LMF1: variants seen among roughly 807,000 people sequenced by gnomAD.
The protein encoded by LMF1 is transmembrane protein 112.
In LMF1, 68 loss-of-function variants were observed where a neutral mutation model predicts 60.6. The observed-to-expected ratio is 1.12, with a 90% CI of 0.92 to 1.37. The LOEUF is 1.37. Ranked by LOEUF, LMF1 falls within the 40% of genes most tolerant of loss-of-function variation. LMF1 has a pLI of 0.00. For synonymous variants in LMF1, 418 were observed against 324.7 expected (o/e 1.29, Z -3.09); for missense variants, 948 against 767.2 (o/e 1.24, Z -2.78).
At chr16:945,279 T>C (rs2072210977) in intron 2 of LMF1, among the ~76,000 whole-genome samples, 1 of 151,136 alleles carries the variant, frequency 6.6e-6, no homozygotes, top group African/African-American at 2.4e-5. Flanking sequence ...CCTAGCACTT[T>C]GGGAGGCTGA....
chr16:881,857 C>G (rs1454051247), intron 5 of LMF1, among the ~76,000 whole-genome samples: 1 of 152,182 alleles, frequency 6.6e-6, no homozygotes, highest in African/African-American at 2.4e-5. Flanking sequence ...GGGACTTTAA[C>G]CTCTCCTTCC....
chr16:919,601 T>TCCCACCCACAGACCCG (rs2071378189), intron 3 of LMF1, among the ~76,000 whole-genome samples: 1 of 152,116 alleles, frequency 6.6e-6, no homozygotes, highest in African/African-American at 2.4e-5. Context: ...AGGGAGGGCG[T>TCCCACCCACAGACCCG]CTGGACCGCA....
intron 2 of LMF1, among the ~76,000 whole-genome samples, chr16:950,348 A>AGCCAACGACAGAGTCAG (rs2072412565): frequency 8.1e-6 from 1 of 123,652 alleles, no homozygotes; most frequent in Non-Finnish European, 1.6e-5. Flanking sequence ...AACAACAGTC[A>AGCCAACGACAGAGTCAG]GCCAACGACA....
intron 3 of LMF1, among the ~76,000 whole-genome samples, chr16:925,492 G>A (rs2071567575): frequency 6.6e-6 from 1 of 152,178 alleles, no homozygotes; most frequent in South Asian, 2.1e-4. Context: ...CACTTTGGGA[G>A]GTCAAGAGAG....
intron 10 of LMF1, among the ~76,000 whole-genome samples, chr16:859,006 C>G (rs368605539): frequency 0.014 from 163 of 11,880 alleles, 1 homozygote; most frequent in African/African-American, 0.041. Context: ...TCACGGGACG[C>G]GTGTGCAGTG....
intron 2 of LMF1, among the ~76,000 whole-genome samples, chr16:953,443 C>T (rs1270834863): frequency 1.1e-3 from 67 of 58,646 alleles, no homozygotes; most frequent in African/African-American, 3.6e-3. Context: ...AGACACGGAC[C>T]CCACACCAGC....
intron 10 of LMF1, among the ~76,000 whole-genome samples, chr16:857,762 T>A (rs865901501): frequency 1.7e-4 from 7 of 41,772 alleles, no homozygotes; most frequent in Non-Finnish European, 2.8e-4. Context: ...CAGTGGTGTC[T>A]CGGGACGGGT....
intron 7 of LMF1, 82 bp from the exon 8 acceptor site, chr16:870,964 C>T (rs1463172009): frequency 2.0e-6 from 3 of 1,493,846 alleles, no homozygotes; most frequent in Middle Eastern, 2.1e-4. Context: ...CTGCTGCTCC[C>T]TAAGGGTCAG....
upstream of LMF1, among the ~76,000 whole-genome samples, chr16:971,386 C>T (rs1331164934): frequency 6.6e-6 from 1 of 152,232 alleles, no homozygotes; most frequent in Non-Finnish European, 1.5e-5. Context: ...CAGGCCCTGG[C>T]GGTGCTACCA....
intron 4 of LMF1, among the ~76,000 whole-genome samples, chr16:894,770 G>A (rs570699568): frequency 2.0e-5 from 3 of 152,228 alleles, no homozygotes; most frequent in Non-Finnish European, 4.4e-5. Context: ...GGACACTTTC[G>A]TAATGGCCGC....
In LMF1 at chr16:871,200, G is replaced by C. The variant is rs2069779467; in HGVS notation, c.1039C>G (p.Gln347Glu). ...GGCCGGGCCCCTCGGATGTCCCTCT[G>C]CATCTGCAGAACTCGGTCCTTCAGG... ...GSLKDRVLQM[Q>E]RDIRGARPEP... The change falls in exon 7 of 11, where the codon CAG (glutamine) becomes GAG (glutamate). Residue 347 changes from glutamine to glutamate, a missense_variant. By Grantham distance (29) the Gln-to-Glu change is conservative (BLOSUM62 2). Transcript: ENST00000262301. 1.2e-6 allele frequency: 2 copies of C among 1,610,154 alleles called. No homozygotes were observed. The highest frequency in any genetic ancestry group is 2.7e-5 in the African/African-American group (2 of 75,034).
chr16:960,288 CAA>C (rs879930164), intron 1 of LMF1, among the ~76,000 whole-genome samples: 6,107 of 143,596 alleles, frequency 0.043, 366 homozygotes, highest in African/African-American at 0.11. Context: ...ATAACCCAGA[CAA>C]AGACTCACAG....
intron 3 of LMF1, among the ~76,000 whole-genome samples, chr16:932,833 C>T (rs116924061): frequency 0.048 from 7,294 of 151,944 alleles, 259 homozygotes; most frequent in Non-Finnish European, 0.072. Context: ...TGGCGCACTG[C>T]GGGGGAGGCC....
chr16:864,313 C>T (rs1398292710), intron 10 of LMF1, among the ~76,000 whole-genome samples: 1 of 152,174 alleles, frequency 6.6e-6, no homozygotes, highest in Non-Finnish European at 1.5e-5. Context: ...TACAGAGGGT[C>T]CCTAACTTAT....
At chr16:971,434 G>C (rs951067630), upstream of LMF1, among the ~76,000 whole-genome samples, 1 of 152,270 alleles carries the variant, frequency 6.6e-6, no homozygotes, top group Non-Finnish European at 1.5e-5. Flanking sequence ...CTCACTCTCT[G>C]CGGAGGAGGG....
At chr16:967,460 A>G (rs1258847161) in intron 1 of LMF1, among the ~76,000 whole-genome samples, 3 of 152,162 alleles carry the variant, frequency 2.0e-5, no homozygotes, top group Admixed American at 2.0e-4. Context: ...GCGCACACAG[A>G]CAGCAGCAGG....
intron 4 of LMF1, among the ~76,000 whole-genome samples, chr16:906,569 C>G (rs942333365): frequency 6.6e-6 from 1 of 152,200 alleles, no homozygotes; most frequent in South Asian, 2.1e-4. Context: ...CCTCAGCTTG[C>G]GGGCAACCTA....
At chr16:947,427 G>A in intron 2 of LMF1, 1 of 454,754 alleles carries the variant, frequency 2.2e-6, no homozygotes, top group South Asian at 1.6e-5. Context: ...CAAACATGCT[G>A]TTCATCGTCA....
intron 2 of LMF1, among the ~76,000 whole-genome samples, chr16:948,980 G>A (rs2072346417): frequency 1.2e-5 from 1 of 86,352 alleles, no homozygotes; most frequent in South Asian, 5.0e-4. Flanking sequence ...GTCAGTCAAC[G>A]ACAGAGTCAG....
Sources: allele counts gnomAD v4.1 joint callset (sites outside exome capture counted in the v4.1 genomes callset), GRCh38; gene constraint gnomAD v4.1.1; transcripts MANE v1.5; gene names NCBI Gene and HGNC (gene_info 2026-07-23, HGNC 2026-07-21).